Variants in NCKAP5 observed in about 807,000 individuals in gnomAD.
The protein encoded by NCKAP5 is NCK associated protein 5, also known as nck-associated protein 5.
In NCKAP5, 92 loss-of-function variants were observed where a neutral mutation model predicts 167.0. The ratio of observed to expected loss-of-function variants is 0.55; its 90% CI spans 0.47 to 0.66. NCKAP5 has a LOEUF of 0.66. Ranked by LOEUF, NCKAP5 falls within the 30% of genes least tolerant of loss-of-function variation. NCKAP5 has a pLI of 0.00. For missense variants in NCKAP5, 2,378 were observed against 2,315.0 expected (o/e 1.03, Z -0.56); for synonymous variants, 891 against 877.4 (o/e 1.02, Z -0.27).
At chr2:133,061,090 C>A (rs199564707) in intron 6 of NCKAP5, among the ~76,000 whole-genome samples, 14 of 137,194 alleles carry the variant, frequency 1.0e-4, no homozygotes, top group Non-Finnish European at 1.8e-4. Flanking sequence ...ACAACAACAA[C>A]AAAAAAACCT....
chr2:133,358,051 TC>T (rs1346582789), intron 3 of NCKAP5, among the ~76,000 whole-genome samples: 1 of 152,202 alleles, frequency 6.6e-6, no homozygotes. Flanking sequence ...TGACTCCTTC[TC>T]CCATTAAGAC....
At chr2:133,529,334 C>T (rs1427354295) in intron 2 of NCKAP5, among the ~76,000 whole-genome samples, 7 of 152,012 alleles carry the variant, frequency 4.6e-5, no homozygotes, top group East Asian at 1.9e-4. Context: ...TGATTTTTCT[C>T]TTTCTATATA....
At chr2:132,916,299 G>A (rs1158112648) in intron 8 of NCKAP5, among the ~76,000 whole-genome samples, 1 of 152,010 alleles carries the variant, frequency 6.6e-6, no homozygotes, top group Non-Finnish European at 1.5e-5. Context: ...GTGACAGAGG[G>A]CGTTAGCTGG....
chr2:132,782,879 G>C lies in NCKAP5; in HGVS notation c.3932C>G (p.Ser1311Cys). The C allele has an allele frequency of 6.2e-7, 1 of 1,613,962 alleles. No individual in the cohort carries two copies. The highest frequency in any genetic ancestry group is 1.1e-5 in the South Asian group (1 of 91,058). ...CGTGGAAGAGTTCTGCCGGGTAAGA[G>C]AATTGCCTCTCTCGGCGGTATTGGT... ...IITNTAERGN[S>C]LTRQNSSTES... The change falls in exon 14 of 20, where the codon TCT becomes TGT. Residue 1311 changes from serine (S) to cysteine (C), a missense_variant. Coordinates refer to ENST00000409261, the MANE Select transcript of NCKAP5 (RefSeq NM_207363.3).
At chr2:133,034,867 A>T (rs2078991278) in intron 6 of NCKAP5, among the ~76,000 whole-genome samples, 1 of 151,990 alleles carries the variant, frequency 6.6e-6, no homozygotes, top group Non-Finnish European at 1.5e-5. Flanking sequence ...GAAGACCATA[A>T]AACAACCAGA....
intron 3 of NCKAP5, among the ~76,000 whole-genome samples, chr2:133,418,558 G>A (rs912496793): frequency 6.6e-6 from 1 of 152,100 alleles, no homozygotes; most frequent in Non-Finnish European, 1.5e-5. Flanking sequence ...GGGGACAAAC[G>A]GAGGATTCAA....
chr2:132,876,377 T>C lies in NCKAP5; in HGVS notation c.648+2471A>G, dbSNP rs72992849. The stretch of plus-strand genomic sequence containing the variant: ...CCTCCCAAAGTGGTAGGATTATAGA[T>C]ATAAGCCACTGTGCCTGTCTGAAAA... On this transcript the variant is annotated intron_variant, in intron 9 of 19. Coordinates refer to ENST00000409261, the MANE Select transcript of NCKAP5 (RefSeq NM_207363.3). Among the ~76,000 whole-genome samples, 173 of 152,296 alleles carry C rather than the reference T, an allele frequency of 1.1e-3. 1 individual carries two copies. The highest frequency in any genetic ancestry group is 3.9e-3 in the African/African-American group (164 of 41,558).
chr2:132,730,405 G>T (rs748987734), intron 17 of NCKAP5, among the ~76,000 whole-genome samples: 6 of 152,224 alleles, frequency 3.9e-5, no homozygotes, highest in Non-Finnish European at 7.3e-5. Context: ...TGAGGCAAGA[G>T]ACTCAGCTGA....
intron 5 of NCKAP5, among the ~76,000 whole-genome samples, chr2:133,199,775 A>T (rs985565857): frequency 3.3e-5 from 5 of 152,080 alleles, no homozygotes; most frequent in Admixed American, 6.6e-5. Context: ...GAATGTTCAT[A>T]GTAGCTTAAT....
intron 6 of NCKAP5, among the ~76,000 whole-genome samples, chr2:132,999,940 A>T (rs539855842): frequency 6.6e-6 from 1 of 152,382 alleles, no homozygotes; most frequent in East Asian, 1.9e-4. Flanking sequence ...TCACACTGAT[A>T]ACTGATAGGG....
chr2:132,977,580 C>T (rs1168405977), intron 7 of NCKAP5, among the ~76,000 whole-genome samples: 2 of 152,306 alleles, frequency 1.3e-5, no homozygotes, highest in East Asian at 3.9e-4. Context: ...CCACCTTCTT[C>T]CAACCAGGGG....
At chr2:133,002,772 T>G (rs1645820877) in intron 6 of NCKAP5, among the ~76,000 whole-genome samples, 1 of 152,248 alleles carries the variant, frequency 6.6e-6, no homozygotes, top group African/African-American at 2.4e-5. Context: ...CCATAGGAAC[T>G]ATGCAAAGCT....
At chr2:133,471,738 T>C (rs774330731) in intron 3 of NCKAP5, among the ~76,000 whole-genome samples, 6 of 152,152 alleles carry the variant, frequency 3.9e-5, no homozygotes, top group Non-Finnish European at 5.9e-5. Flanking sequence ...CCTAAGGTAA[T>C]GTTGATCAGC....
At chr2:132,751,387 G>A (rs1680101094) in intron 16 of NCKAP5, among the ~76,000 whole-genome samples, 1 of 152,082 alleles carries the variant, frequency 6.6e-6, no homozygotes, top group South Asian at 2.1e-4. Context: ...TGTACGGCCT[G>A]CAGAACCACA....
intron 3 of NCKAP5, among the ~76,000 whole-genome samples, chr2:133,340,290 T>A: frequency 6.6e-6 from 1 of 152,300 alleles, no homozygotes; most frequent in African/African-American, 2.4e-5. Flanking sequence ...AGCTCTCATT[T>A]TAGTAATGAA....
intron 2 of NCKAP5, among the ~76,000 whole-genome samples, chr2:133,555,327 T>C (rs1264670575): frequency 6.6e-6 from 1 of 152,216 alleles, no homozygotes; most frequent in Admixed American, 6.5e-5. Flanking sequence ...TGCTCTGGCT[T>C]AAGTCTGGTC....
At chr2:133,334,325 A>G (rs1683069800) in intron 3 of NCKAP5, among the ~76,000 whole-genome samples, 1 of 152,140 alleles carries the variant, frequency 6.6e-6, no homozygotes, top group Non-Finnish European at 1.5e-5. Flanking sequence ...TTCTTTTGAA[A>G]GCTGAATTGG....
intron 19 of NCKAP5, among the ~76,000 whole-genome samples, chr2:132,704,680 T>C (rs1373345620): frequency 6.6e-6 from 1 of 152,134 alleles, no homozygotes; most frequent in African/African-American, 2.4e-5. Context: ...GTGTCCACAT[T>C]TCCATTCCTA....
At chr2:133,465,225 T>C (rs897536944) in intron 3 of NCKAP5, among the ~76,000 whole-genome samples, 9 of 145,096 alleles carry the variant, frequency 6.2e-5, no homozygotes, top group South Asian at 2.2e-4. Context: ...GATCTCATTG[T>C]TCAATTCCCA....
Sources: gnomAD v4.1 joint callset for allele counts (sites outside exome capture counted in the v4.1 genomes callset) on GRCh38, gnomAD v4.1.1 for gene constraint, MANE v1.5 for transcripts, NCBI Gene and HGNC (gene_info 2026-07-23, HGNC 2026-07-21) for gene names.